GJB6: variants seen among roughly 807,000 people sequenced by gnomAD.
The protein encoded by GJB6 is gap junction protein beta 6, also known as gap junction beta-6 protein.
Under a neutral mutation model 5.4 loss-of-function variants are expected in GJB6, and 5 were observed. The observed-to-expected ratio is 0.92, with a 90% confidence interval of 0.48 to 1.93. The LOEUF is 1.93. Ranked by LOEUF, GJB6 falls within the 30% of genes most tolerant of loss-of-function variation. The pLI, the probability that GJB6 is intolerant of heterozygous loss-of-function variation, is 0.01. For missense variants in GJB6, 298 were observed against 326.9 expected, an observed-to-expected ratio of 0.91 and a Z score of 0.68; for synonymous variants, 136 against 129.6, an observed-to-expected ratio of 1.05 and a Z score of -0.34.
intron 4 of GJB6, among the ~76,000 whole-genome samples, chr13:20,227,991 G>C (rs1251299919): frequency 2.3e-5 from 3 of 131,122 alleles, no homozygotes; most frequent in Non-Finnish European, 4.9e-5. Context: ...GTTGTGGGTT[G>C]GGGGTGGCAA....
chr13:20,227,866 C>T (rs557444650), intron 4 of GJB6, among the ~76,000 whole-genome samples: 11 of 152,128 alleles, frequency 7.2e-5, no homozygotes, highest in South Asian at 6.2e-4. Context: ...TGGCAGTAAA[C>T]GCAGGAGACT....
rs551771307 is a variant in GJB6, at chr13:20,226,387, G to C, written c.-15-2892C>G. 6.6e-5 allele frequency among the ~76,000 whole-genome samples: 10 copies of C among 152,176 alleles called. No individual in the cohort carries two copies. The South Asian group carries it at 2.1e-3, about 32-fold the overall frequency. The stretch of plus-strand genomic sequence containing the variant: ...ATCAGAGGCTGTGTGAGTGTCTGCT[G>C]GGGTAATGCACAGGGGACTCCTCTG... On this transcript the variant is annotated intron_variant, in intron 4 of 4. Transcript: ENST00000647029.
intron 4 of GJB6, among the ~76,000 whole-genome samples, chr13:20,228,674 C>A (rs569408596): frequency 9.0e-6 from 1 of 111,660 alleles, no homozygotes; most frequent in Non-Finnish European, 2.1e-5. Flanking sequence ...TTAGTAGAGA[C>A]GGGGTTTCAC....
chr13:20,228,666 A>G, intron 4 of GJB6, among the ~76,000 whole-genome samples: 1 of 149,718 alleles, frequency 6.7e-6, no homozygotes. Context: ...TTGTATTTTT[A>G]GTAGAGACGG....
Position 20,223,039 on chromosome 13 carries a change from C to T in GJB6, c.442G>A (p.Ala148Thr). The change falls in exon 5 of 5, where the codon GCA (alanine) becomes ACA (threonine). Residue 148 changes from alanine to threonine, a missense_variant. Ala to Thr is a moderately conservative substitution (Grantham distance 58). Transcript: ENST00000647029. ...SSIFFRIIFE[A>T]AFMYVFYFLY... is the part of the protein sequence containing the mutation. ...AAGTAAAACACATACATAAAGGCTG[C>T]TTCAAAGATGATTCGGAAAAAGATG... is the stretch of plus-strand genomic sequence containing the variant. 1.9e-6 allele frequency: 3 copies of T among 1,613,284 alleles called. No homozygotes were observed. The highest frequency in any genetic ancestry group is 1.7e-6 in the Non-Finnish European group (2 of 1,179,182).
rs539755352 is a variant in GJB6, at chr13:20,226,671, G to A, written c.-16+2909C>T. ...CCAGTGAGGAGCAAGAAATTTGTACGTCTTGATGTGTAAACATATTTTACA... is the reference window on the plus strand; with the variant it reads ...CCAGTGAGGAGCAAGAAATTTGTACATCTTGATGTGTAAACATATTTTACA... On this transcript the variant is annotated intron_variant, in intron 4 of 4. Coordinates refer to ENST00000647029, the MANE Select transcript of GJB6 (RefSeq NM_001110219.3). Among the ~76,000 whole-genome samples, 188 of 152,286 alleles carry A rather than the reference G, an allele frequency of 1.2e-3. 1 individual carries two copies. The highest frequency in any genetic ancestry group is 4.2e-3 in the African/African-American group (174 of 41,570).
rs777309137 is a variant in GJB6 at position 20,223,220 on chromosome 13, T to C, written c.261A>G (p.Pro87=). The C allele has an allele frequency of 1.2e-6, 2 of 1,610,566 alleles. No homozygotes were observed. Among genetic ancestry groups the C allele is most frequent in the East Asian group, 4.5e-5 (2 of 44,834 alleles). The stretch of plus-strand genomic sequence containing the variant: ...CCACATGCATGGCCACCAGCAGCGC[T>C]GGGGTGGAGACGAAGATCAGCTGGA... ...WALQLIFVST[P]ALLVAMHVAY... Residue 87 remains proline (P), a synonymous_variant, in exon 5 of 5, where the codon CCA becomes CCG. Coordinates refer to ENST00000647029, the MANE Select transcript of GJB6 (RefSeq NM_001110219.3).
chr13:20,223,830 G>C (rs536276637), intron 4 of GJB6, among the ~76,000 whole-genome samples: 7 of 152,162 alleles, frequency 4.6e-5, no homozygotes, highest in Admixed American at 2.6e-4. Flanking sequence ...TTAGCCTGGC[G>C]TGGTGGCGGG....
intron 1 of GJB6, among the ~76,000 whole-genome samples, 197 bp from the exon 2 acceptor site, chr13:20,231,702 G>A (rs933482299): frequency 6.6e-6 from 1 of 152,104 alleles, no homozygotes; most frequent in East Asian, 1.9e-4. Flanking sequence ...AAATCCAAGG[G>A]GACACCCCGG....
intron 1 of GJB6, among the ~76,000 whole-genome samples, chr13:20,231,870 T>C (rs1870104494): frequency 6.6e-6 from 1 of 152,222 alleles, no homozygotes; most frequent in African/African-American, 2.4e-5. Context: ...GTCAAACCAG[T>C]CCATCCTCGT....
In GJB6 at chr13:20,222,435, G is replaced by C. The variant is rs934122811; in HGVS notation, c.*260C>G. ...CAGAAAGTACCCACTTTGTCAGAGAGTCCACTTAAAAGGAACCTGTCAAAG... is the reference window on the plus strand; with the variant it reads ...CAGAAAGTACCCACTTTGTCAGAGACTCCACTTAAAAGGAACCTGTCAAAG... On this transcript the variant is annotated 3_prime_UTR_variant, in exon 5 of 5. Coordinates refer to ENST00000647029, the MANE Select transcript of GJB6 (RefSeq NM_001110219.3). 1 of 474,548 alleles carries C rather than the reference G, an allele frequency of 2.1e-6. No individual in the cohort carries two copies. Among genetic ancestry groups the C allele is most frequent in the Admixed American group, 3.7e-5 (1 of 26,740 alleles). The allele number at this position is 474,548 out of a possible 1,614,324, so 29.4% of individuals were successfully genotyped here.
Position 20,223,328 on chromosome 13 carries a change from G to A in GJB6, c.153C>T (p.Phe51=), listed in dbSNP as rs185764408. Reference sequence around the variant, plus strand: ...ATCCCGGTTGCAGTGTGTTGCAGACGAAGTCCTCTTGCTCGTCACCCCACA... The same window carrying A: ...ATCCCGGTTGCAGTGTGTTGCAGACAAAGTCCTCTTGCTCGTCACCCCACA... ...QEVWGDEQED[F]VCNTLQPGCK... The change falls in exon 5 of 5, where the codon TTC becomes TTT. Residue 51 remains phenylalanine, a synonymous_variant. Transcript: ENST00000647029. 23 of 1,614,146 alleles carry A rather than the reference G, an allele frequency of 1.4e-5. No homozygotes were observed. Among genetic ancestry groups the A allele is most frequent in the South Asian group, 1.1e-5 (1 of 91,084 alleles).
chr13:20,229,405 T>G (rs993028050), intron 4 of GJB6, among the ~76,000 whole-genome samples, 175 bp downstream of exon 4: 2 of 139,482 alleles, frequency 1.4e-5, no homozygotes, highest in Non-Finnish European at 3.1e-5. Flanking sequence ...GACCTCAGCC[T>G]CGGCCTCCCA....
At position 20,230,823 on chromosome 13, in the gene GJB6, CAGAAG is replaced by C. The variant is rs1437324127; in HGVS notation, c.-295-21_-295-17del. 14 of 152,180 alleles carry C rather than the reference CAGAAG, an allele frequency of 9.2e-5. No homozygotes were observed. The highest frequency in any genetic ancestry group is 1.5e-5 in the Non-Finnish European group (1 of 68,036). 9.4% of individuals were successfully genotyped at this position (152,180 alleles called of 1,614,324 possible). A position where few individuals can be genotyped will look rare whatever the true frequency, so the allele number is the denominator to read the frequency against. ...CTTTTCCTTCCTAACACTCAGAATT[CAGAAG>C]AGAAGACATAAGAAAAAAAGCATAA... On this transcript the variant is annotated splice_polypyrimidine_tract_variant and intron_variant, in intron 2 of 4. Coordinates refer to ENST00000647029, the MANE Select transcript of GJB6 (RefSeq NM_001110219.3).
At chr13:20,227,445 G>A (rs1296601525) in intron 4 of GJB6, among the ~76,000 whole-genome samples, 1 of 152,138 alleles carries the variant, frequency 6.6e-6, no homozygotes, top group Non-Finnish European at 1.5e-5. Flanking sequence ...GTGTCCTCCT[G>A]CAAGAGCCAC....
At chr13:20,232,156 C>T (rs1870128031) in intron 1 of GJB6, 38 bp downstream of exon 1, 1 of 152,138 alleles carries the variant, frequency 6.6e-6, no homozygotes, top group Admixed American at 6.5e-5. Flanking sequence ...ACCGCCCGCT[C>T]GCCCCCCGCA....
At chr13:20,227,384 A>G (rs1248863380) in intron 4 of GJB6, among the ~76,000 whole-genome samples, 2 of 152,174 alleles carry the variant, frequency 1.3e-5, no homozygotes, top group African/African-American at 2.4e-5. Flanking sequence ...GTTAAATCCA[A>G]TACAAGTGTG....
At chr13:20,229,170 A>G (rs1462311102) in intron 4 of GJB6, among the ~76,000 whole-genome samples, 1 of 134,612 alleles carries the variant, frequency 7.4e-6, no homozygotes, top group Non-Finnish European at 1.6e-5. Flanking sequence ...TTTTTTTTAG[A>G]CAGAGTCTTG....
At chr13:20,223,926 A>G (rs1210403186) in intron 4 of GJB6, among the ~76,000 whole-genome samples, 2 of 151,782 alleles carry the variant, frequency 1.3e-5, no homozygotes, top group African/African-American at 4.8e-5. Flanking sequence ...CCGAGATTGC[A>G]CCACTGCACC....
Sources: allele counts gnomAD v4.1 joint callset (sites outside exome capture counted in the v4.1 genomes callset), GRCh38; gene constraint gnomAD v4.1.1; transcripts MANE v1.5; gene names NCBI Gene and HGNC (gene_info 2026-07-23, HGNC 2026-07-21).